SHISA6: variants seen among roughly 807,000 people sequenced by gnomAD.
The protein encoded by SHISA6 is protein shisa-6.
In SHISA6, 22 loss-of-function variants were observed where a neutral mutation model predicts 47.9. The ratio of observed to expected loss-of-function variants is 0.46; its 90% CI spans 0.33 to 0.66. The LOEUF (loss-of-function observed/expected upper bound fraction) is 0.66. SHISA6 is among the 30% of genes least tolerant of loss of function. The pLI is 0.02. For missense variants in SHISA6, 680 were observed against 764.6 expected (o/e 0.89, Z 1.30); for synonymous variants, 388 against 337.8 (o/e 1.15, Z -1.63).
intron 3 of SHISA6, among the ~76,000 whole-genome samples, chr17:11,390,604 AT>A (rs371460099): frequency 0.039 from 5,974 of 151,846 alleles, 206 homozygotes; most frequent in Admixed American, 0.089. Context: ...GATAAAAAAT[AT>A]TTTTTTTTAA....
chr17:11,258,851 C>A (rs142303809), intron 1 of SHISA6, among the ~76,000 whole-genome samples: 4 of 152,138 alleles, frequency 2.6e-5, no homozygotes, highest in Admixed American at 2.6e-4. Context: ...TTTGCCCCAA[C>A]GATTAAACAC....
chr17:11,527,393 A>T (rs1001711116), intron 3 of SHISA6, among the ~76,000 whole-genome samples: 1 of 152,222 alleles, frequency 6.6e-6, no homozygotes, highest in African/African-American at 2.4e-5. Flanking sequence ...TGAAATATAG[A>T]AATTGGAGTC....
intron 2 of SHISA6, among the ~76,000 whole-genome samples, chr17:11,359,787 A>C (rs971262567): frequency 6.6e-6 from 1 of 152,202 alleles, no homozygotes; most frequent in African/African-American, 2.4e-5. Flanking sequence ...GGAGAGGGTC[A>C]TGTGATACAA....
chr17:11,390,813 C>T (rs1251345377), intron 3 of SHISA6, among the ~76,000 whole-genome samples: 1 of 152,096 alleles, frequency 6.6e-6, no homozygotes, highest in Non-Finnish European at 1.5e-5. Flanking sequence ...CCAAAACCAG[C>T]AACAGAGACA....
intron 2 of SHISA6, among the ~76,000 whole-genome samples, chr17:11,303,210 T>A (rs779403686): frequency 2.6e-4 from 40 of 152,064 alleles, no homozygotes; most frequent in Non-Finnish European, 4.7e-4. Flanking sequence ...TGGTTTTGTG[T>A]GTGTGTGTGT....
chr17:11,429,493 A>G (rs561426286), intron 3 of SHISA6, among the ~76,000 whole-genome samples: 1 of 152,102 alleles, frequency 6.6e-6, no homozygotes, highest in South Asian at 2.1e-4. Flanking sequence ...TAAAATTCAA[A>G]TATCCGGCCA....
chr17:11,317,835 A>G (rs1910576134), intron 2 of SHISA6, among the ~76,000 whole-genome samples: 2 of 137,814 alleles, frequency 1.5e-5, no homozygotes, highest in Non-Finnish European at 3.1e-5. Flanking sequence ...TATTCTAGAT[A>G]TAATTATTTT....
intron 2 of SHISA6, among the ~76,000 whole-genome samples, chr17:11,356,479 T>C (rs1912083761): frequency 6.6e-6 from 1 of 152,186 alleles, no homozygotes; most frequent in Admixed American, 6.5e-5. Flanking sequence ...GAACATCTTA[T>C]TTAAAGTTCA....
intron 3 of SHISA6, among the ~76,000 whole-genome samples, chr17:11,521,638 C>G (rs2071630753): frequency 6.6e-6 from 1 of 151,780 alleles, no homozygotes; most frequent in African/African-American, 2.4e-5. Flanking sequence ...GACCCCATCT[C>G]TACAAAAAAC....
rs367855454 is a variant in SHISA6 at position 11,527,824 on chromosome 17, A to G, written c.896-24072A>G. Among the ~76,000 whole-genome samples, 24 of 152,218 alleles carry G rather than the reference A, an allele frequency of 1.6e-4. 1 individual carries two copies. Among genetic ancestry groups the G allele is most frequent in the Middle Eastern group, 6.8e-3 (2 of 294 alleles). ...TCTTTACACACAAAAAAAATTGTCA[A>G]CTCTTGATACAGAACACCTAAAAAT... is the stretch of plus-strand genomic sequence containing the variant. On this transcript the variant is annotated intron_variant, in intron 3 of 5. Transcript: ENST00000441885.
intron 2 of SHISA6, among the ~76,000 whole-genome samples, chr17:11,274,390 G>T (rs1423508070): frequency 2.0e-5 from 3 of 152,218 alleles, no homozygotes. Flanking sequence ...CCATGAGTTG[G>T]CAAAACGAAG....
intron 3 of SHISA6, among the ~76,000 whole-genome samples, chr17:11,536,885 T>C (rs2071792663): frequency 6.6e-6 from 1 of 152,176 alleles, no homozygotes; most frequent in African/African-American, 2.4e-5. Context: ...GTATGGTAAA[T>C]GTGTCTTTTG....
chr17:11,350,178 ATTTAT>A (rs1239947947), intron 2 of SHISA6, among the ~76,000 whole-genome samples: 1 of 101,148 alleles, frequency 9.9e-6, no homozygotes, highest in Non-Finnish European at 2.0e-5. Flanking sequence ...TTATTTATTT[ATTTAT>A]TTTTTTTTTT....
intron 3 of SHISA6, among the ~76,000 whole-genome samples, chr17:11,448,949 T>C (rs1182513447): frequency 6.6e-6 from 1 of 152,240 alleles, no homozygotes; most frequent in Admixed American, 6.5e-5. Flanking sequence ...TTCTATGTTC[T>C]ACTCCCTAAG....
At chr17:11,340,801 G>A (rs1408689494) in intron 2 of SHISA6, among the ~76,000 whole-genome samples, 1 of 152,198 alleles carries the variant, frequency 6.6e-6, no homozygotes, top group African/African-American at 2.4e-5. Flanking sequence ...CACTGAACTA[G>A]AATAGTGGAC....
At chr17:11,557,387 C>T (rs971261986) in intron 5 of SHISA6, among the ~76,000 whole-genome samples, 1 of 152,148 alleles carries the variant, frequency 6.6e-6, no homozygotes, top group Non-Finnish European at 1.5e-5. Flanking sequence ...GGCTTGCTAT[C>T]AACTCTGCCC....
intron 2 of SHISA6, among the ~76,000 whole-genome samples, chr17:11,313,119 A>G (rs1362041311): frequency 1.3e-5 from 2 of 152,212 alleles, no homozygotes; most frequent in Admixed American, 1.3e-4. Flanking sequence ...ATCTGATCCT[A>G]GCACACCACT....
At chr17:11,347,197 A>G (rs1156283655) in intron 2 of SHISA6, among the ~76,000 whole-genome samples, 4 of 152,124 alleles carry the variant, frequency 2.6e-5, no homozygotes, top group Non-Finnish European at 5.9e-5. Context: ...TTGAGGGAAA[A>G]AAAAAAAGGA....
At chr17:11,375,174 G>A (rs1351394992) in intron 2 of SHISA6, among the ~76,000 whole-genome samples, 1 of 152,078 alleles carries the variant, frequency 6.6e-6, no homozygotes, top group Admixed American at 6.6e-5. Context: ...TTGATCGAAA[G>A]ACTAAAGTCT....
Sources: gnomAD v4.1 joint callset for allele counts (sites outside exome capture counted in the v4.1 genomes callset) on GRCh38, gnomAD v4.1.1 for gene constraint, MANE v1.5 for transcripts, NCBI Gene and HGNC (gene_info 2026-07-23, HGNC 2026-07-21) for gene names.